NUDT1: variants seen among roughly 807,000 people sequenced by gnomAD.
NUDT1 encodes nudix hydrolase 1, also known as oxidized purine nucleoside triphosphate hydrolase.
NUDT1 carries 16 observed loss-of-function variants against 11.3 expected under a neutral mutation model. The ratio of observed to expected loss-of-function variants is 1.41; its 90% CI spans 0.96 to 2.15. The LOEUF is 2.15. Ranked by LOEUF, NUDT1 falls within the 30% of genes most tolerant of loss-of-function variation. The pLI, the probability that NUDT1 is intolerant of heterozygous loss-of-function variation, is 0.00. For synonymous variants in NUDT1, 101 were observed against 84.4 expected, an observed-to-expected ratio of 1.20 and a Z score of -1.08; for missense variants, 234 against 208.4, an observed-to-expected ratio of 1.12 and a Z score of -0.76.
intron 2 of NUDT1, chr7:2,249,571 G>T: frequency 2.1e-6 from 1 of 485,198 alleles, no homozygotes; most frequent in Non-Finnish European, 3.8e-6. Context: ...TACACAGAGG[G>T]CACTGGGCTA....
intron 1 of NUDT1, chr7:2,242,749 G>T: frequency 2.1e-6 from 1 of 477,600 alleles, no homozygotes; most frequent in East Asian, 3.4e-5. Context: ...AGACAGGCAG[G>T]CTGAGGGGCT....
intron 1 of NUDT1, among the ~76,000 whole-genome samples, chr7:2,244,296 T>A (rs1794677724): frequency 6.6e-6 from 1 of 152,088 alleles, no homozygotes; most frequent in Non-Finnish European, 1.5e-5. Context: ...GAGTACTGAC[T>A]TGTGGAGAAG....
At chr7:2,249,238 G>C (rs1794884700) in intron 2 of NUDT1, 1 of 155,444 alleles carries the variant, frequency 6.4e-6, no homozygotes, top group African/African-American at 2.4e-5. Context: ...TCAGCCTGGG[G>C]ACCAGAGTTA....
At chr7:2,244,461 C>CCA in intron 1 of NUDT1, 102 bp from the exon 2 acceptor site, 4 of 892,010 alleles carry the variant, frequency 4.5e-6, no homozygotes, top group East Asian at 3.1e-5. Flanking sequence ...TACCCCCCCG[C>CCA]CCCCCACTGC....
chr7:2,251,072 G>C lies in NUDT1; in HGVS notation c.*71G>C. 1 of 1,488,560 alleles carries C rather than the reference G, an allele frequency of 6.7e-7. No homozygotes were observed. Among genetic ancestry groups the C allele is most frequent in the Non-Finnish European group, 9.3e-7 (1 of 1,070,124 alleles). The allele number at this position is 1,488,560 out of a possible 1,614,324, so 92.2% of individuals were successfully genotyped here. On this transcript the variant is annotated 3_prime_UTR_variant, in exon 4 of 4. Transcript: ENST00000356714. The stretch of plus-strand genomic sequence containing the variant: ...AGCCGCAAACCATCTTCACCTGGGG[G>C]CATTGAGTGGCGCAGAGCCGGGTTT...
intron 2 of NUDT1, among the ~76,000 whole-genome samples, chr7:2,246,741 G>C (rs1328867482): frequency 6.6e-6 from 1 of 151,922 alleles, no homozygotes; most frequent in African/African-American, 2.4e-5. Context: ...CAGGGTTTGA[G>C]GGGGGGAACT....
At chr7:2,246,877 A>T (rs1794787559) in intron 2 of NUDT1, among the ~76,000 whole-genome samples, 1 of 152,122 alleles carries the variant, frequency 6.6e-6, no homozygotes, top group Admixed American at 6.5e-5. Context: ...TCGGCTTCCC[A>T]AAGTGCTGTG....
intron 2 of NUDT1, among the ~76,000 whole-genome samples, chr7:2,248,473 T>C (rs1214242242): frequency 6.6e-6 from 1 of 152,030 alleles, no homozygotes; most frequent in African/African-American, 2.4e-5. Flanking sequence ...GCTGGGTTCC[T>C]TGAGGTGTGG....
intron 2 of NUDT1, 96 bp from the exon 3 acceptor site, chr7:2,249,761 G>A (rs1794903176): frequency 2.6e-6 from 4 of 1,527,718 alleles, no homozygotes; most frequent in East Asian, 2.3e-5. Flanking sequence ...TGGCTCCCTG[G>A]GCTGTGTGTA....
chr7:2,251,090 C>G lies in NUDT1; in HGVS notation c.*89C>G. The G allele has an allele frequency of 7.4e-7, 1 of 1,356,862 alleles. No homozygotes were observed. Among genetic ancestry groups the G allele is most frequent in the Non-Finnish European group, 1.0e-6 (1 of 954,350 alleles). The allele number at this position is 1,356,862 out of a possible 1,614,324, so 84.1% of individuals were successfully genotyped here. A position where few individuals can be genotyped will look rare whatever the true frequency, so the allele number is the denominator to read the frequency against. ...CCTGGGGGCATTGAGTGGCGCAGAGCCGGGTTTCATCTGGAATTAACTGGA... is the reference window on the plus strand; with the variant it reads ...CCTGGGGGCATTGAGTGGCGCAGAGGCGGGTTTCATCTGGAATTAACTGGA... On this transcript the variant is annotated 3_prime_UTR_variant, in exon 4 of 4. Transcript: ENST00000356714.
intron 2 of NUDT1, among the ~76,000 whole-genome samples, chr7:2,245,390 A>C (rs1248684927): frequency 6.6e-6 from 1 of 152,182 alleles, no homozygotes; most frequent in African/African-American, 2.4e-5. Context: ...CAGAGTAAAG[A>C]GGGTCCTGGC....
chr7:2,242,447 G>C, intron 1 of NUDT1, 191 bp downstream of exon 1: 1 of 497,472 alleles, frequency 2.0e-6, no homozygotes, highest in Middle Eastern at 5.2e-4. Context: ...GGGGGTTTGG[G>C]AGAGAGACAA....
chr7:2,249,621 G>C, intron 2 of NUDT1: 1 of 572,108 alleles, frequency 1.7e-6, no homozygotes, highest in Non-Finnish European at 3.2e-6. Context: ...CACCATCTCC[G>C]GGCCCCTCCC....
intron 3 of NUDT1, 114 bp from the exon 4 acceptor site, chr7:2,250,715 C>T (rs972637982): frequency 2.4e-5 from 21 of 891,502 alleles, no homozygotes; most frequent in Non-Finnish European, 3.9e-5. Context: ...GCCTCGGCCT[C>T]CCAAAGTGCT....
At position 2,249,863 on chromosome 7, in the gene NUDT1, G is replaced by A. The variant is rs1301029845; in HGVS notation, c.159G>A (p.Leu53=). Residue 53 remains leucine (L), a synonymous_variant, in exon 3 of 4, where the codon CTG becomes CTA. Transcript: ENST00000356714. ...TGCCCACCTCTGCCCGCAGGGAGCT[G>A]CAGGAGGAGAGCGGTCTGACAGTGG... ...ETIEDGARRE[L]QEESGLTVDA... is the part of the protein sequence containing the mutation. 6.2e-7 allele frequency: 1 copy of A among 1,613,550 alleles called. No individual in the cohort carries two copies.
rs1369164571 is a variant in NUDT1, at chr7:2,250,719, A to G, written c.299-110A>G. ...GTGATCCTCCCGCCTCGGCCTCCCA[A>G]AGTGCTGGGATTACAGGCGTGAGCC... On this transcript the variant is annotated intron_variant, in intron 3 of 3. Coordinates refer to ENST00000356714, the MANE Select transcript of NUDT1 (RefSeq NM_002452.4). 6 of 951,424 alleles carry G rather than the reference A, an allele frequency of 6.3e-6. No homozygotes were observed. In the East Asian group the frequency reaches 1.5e-4, roughly 24 times the overall value. 58.9% of individuals were successfully genotyped at this position (951,424 alleles called of 1,614,324 possible).
At chr7:2,245,909 G>C (rs1436661653) in intron 2 of NUDT1, among the ~76,000 whole-genome samples, 1 of 151,796 alleles carries the variant, frequency 6.6e-6, no homozygotes, top group Non-Finnish European at 1.5e-5. Context: ...TCAGTTTGGA[G>C]AGCCCTGTGT....
chr7:2,243,080 A>G (rs1794615704), intron 1 of NUDT1: 1 of 711,832 alleles, frequency 1.4e-6, no homozygotes, highest in African/African-American at 1.7e-5. Flanking sequence ...GCTGCTGAGC[A>G]GCCTGGGCTC....
chr7:2,250,879 T>G lies in NUDT1; in HGVS notation c.349T>G (p.Trp117Gly). Residue 117 changes from tryptophan (W) to glycine (G), a missense_variant, in exon 4 of 4, where the codon TGG (tryptophan) becomes GGG (glycine). Trp to Gly is a radical substitution (Grantham distance 184). Transcript: ENST00000356714. ...GGATCAGATCCCCTTCAAGGACATGTGGCCCGACGACAGCTACTGGTTTCC... is the reference window on the plus strand; with the variant it reads ...GGATCAGATCCCCTTCAAGGACATGGGGCCCGACGACAGCTACTGGTTTCC... ...QLDQIPFKDM[W>G]PDDSYWFPLL... 2 of 1,614,184 alleles carry G rather than the reference T, an allele frequency of 1.2e-6. No individual in the cohort carries two copies. Among genetic ancestry groups the G allele is most frequent in the South Asian group, 1.1e-5 (1 of 91,082 alleles).
Sources: gnomAD v4.1 joint callset for allele counts (sites outside exome capture counted in the v4.1 genomes callset) on GRCh38, gnomAD v4.1.1 for gene constraint, MANE v1.5 for transcripts, NCBI Gene and HGNC (gene_info 2026-07-23, HGNC 2026-07-21) for gene names.